The following ACYP2 variants were observed in gnomAD, a reference collection of about 807,000 sequenced individuals.
ACYP2 encodes acylphosphatase 2.
ACYP2 carries 12 observed loss-of-function variants against 11.2 expected under a neutral mutation model. The ratio of observed to expected loss-of-function variants is 1.08; its 90% CI spans 0.69 to 1.74. The LOEUF is 1.74. Ranked by LOEUF, ACYP2 falls within the 40% of genes most tolerant of loss-of-function variation. ACYP2 has a pLI of 0.00. For missense variants in ACYP2, 134 were observed against 101.9 expected, an observed-to-expected ratio of 1.31 and a Z score of -1.35; for synonymous variants, 43 against 32.2, an observed-to-expected ratio of 1.33 and a Z score of -1.13.
At chr2:54,072,472 C>G (rs76583758) in intron 4 of ACYP2, among the ~76,000 whole-genome samples, 3,354 of 109,410 alleles carry the variant, frequency 0.031, 127 homozygotes, top group Admixed American at 0.15. Context: ...CTTTCTTTTT[C>G]TTTCTTTCTT....
At chr2:54,034,908 G>T (rs879363511) in intron 2 of ACYP2, among the ~76,000 whole-genome samples, 2 of 151,064 alleles carry the variant, frequency 1.3e-5, no homozygotes, top group South Asian at 2.1e-4. Context: ...TACTCAGGAG[G>T]CTGAGGCAGG....
In ACYP2 at chr2:54,104,437, G is replaced by A. The variant is rs116416295; in HGVS notation, c.278-31016G>A. On this transcript the variant is annotated intron_variant, in intron 4 of 6. Coordinates refer to ENST00000607452, the MANE Select transcript of ACYP2 (RefSeq NM_001320586.2). ...TAGTAAAATGGATAACCATAAAAGG[G>A]CAAGCTTAGTCATGTAGCTCAAGTC... Among the ~76,000 whole-genome samples the A allele has an allele frequency of 6.5e-3, 982 of 152,174 alleles. 6 individuals are homozygous for A. The highest frequency in any genetic ancestry group is 0.011 in the Non-Finnish European group (772 of 68,010).
intron 6 of ACYP2, among the ~76,000 whole-genome samples, chr2:54,158,684 C>T (rs982724709): frequency 1.5e-4 from 23 of 152,146 alleles, no homozygotes; most frequent in Admixed American, 1.5e-3. Flanking sequence ...ACTTTGGATT[C>T]ACTTTTAATT....
At chr2:53,993,685 A>AGG (rs1223207888) in intron 2 of ACYP2, among the ~76,000 whole-genome samples, 2 of 151,368 alleles carry the variant, frequency 1.3e-5, no homozygotes, top group Non-Finnish European at 2.9e-5. Flanking sequence ...CGACAGAGTG[A>AGG]GGGAAAAAAA....
intron 4 of ACYP2, among the ~76,000 whole-genome samples, chr2:54,088,658 C>A (rs900053687): frequency 2.0e-5 from 3 of 152,192 alleles, no homozygotes; most frequent in Non-Finnish European, 2.9e-5. Context: ...AAATCAACTT[C>A]CGAATTCTGT....
intron 6 of ACYP2, among the ~76,000 whole-genome samples, chr2:54,153,593 C>CT (rs58880193): frequency 0.24 from 33,343 of 137,552 alleles, 3,788 homozygotes; most frequent in East Asian, 0.32. Context: ...GTAGTGTGGA[C>CT]TTTTTTTTTT....
chr2:54,296,929 A>T (rs1265030741), intron 6 of ACYP2, among the ~76,000 whole-genome samples: 1 of 152,136 alleles, frequency 6.6e-6, no homozygotes, highest in East Asian at 1.9e-4. Flanking sequence ...TGCACACAAA[A>T]CTGATTCAGA....
At chr2:54,019,258 A>G (rs1048142253) in intron 2 of ACYP2, among the ~76,000 whole-genome samples, 2 of 151,268 alleles carry the variant, frequency 1.3e-5, no homozygotes, top group Non-Finnish European at 2.9e-5. Flanking sequence ...TTTTGTGGAG[A>G]TGTGTGTCTC....
chr2:54,255,878 G>A (rs1687494726), intron 6 of ACYP2: 4 of 1,613,856 alleles, frequency 2.5e-6, no homozygotes, highest in African/African-American at 2.7e-5. Flanking sequence ...GCGGGTGGTG[G>A]AGTCACTTCC....
chr2:54,285,567 C>A (rs1220280234), intron 6 of ACYP2, among the ~76,000 whole-genome samples: 1 of 152,212 alleles, frequency 6.6e-6, no homozygotes, highest in Non-Finnish European at 1.5e-5. Flanking sequence ...TCAATTTCCA[C>A]CCTGTGGCTA....
intron 6 of ACYP2, among the ~76,000 whole-genome samples, chr2:54,262,274 G>A (rs1687813711): frequency 2.0e-5 from 3 of 152,244 alleles, no homozygotes; most frequent in Non-Finnish European, 2.9e-5. Flanking sequence ...TGCTGTTACA[G>A]TGTTTATGTT....
intron 6 of ACYP2, among the ~76,000 whole-genome samples, chr2:54,224,189 C>G (rs1685909386): frequency 6.6e-6 from 1 of 152,168 alleles, no homozygotes; most frequent in African/African-American, 2.4e-5. Context: ...CAGCAATGCC[C>G]CACCCAGGCC....
chr2:54,020,227 G>A (rs775241801), intron 2 of ACYP2, among the ~76,000 whole-genome samples: 5 of 152,162 alleles, frequency 3.3e-5, no homozygotes, highest in African/African-American at 7.2e-5. Flanking sequence ...GTGAGCCACC[G>A]TGCCTGGCCT....
chr2:54,304,912 A>C lies in ACYP2; in HGVS notation c.*110A>C, dbSNP rs1162385541. On this transcript the variant is annotated 3_prime_UTR_variant, in exon 7 of 7. Transcript: ENST00000607452. ...GGGTGAAAAGGAACTTTCTGTTCTG[A>C]AAGCTAAGCGACTGTACGTGCTACT... The C allele has an allele frequency of 1.9e-6, 1 of 531,614 alleles. No homozygotes were observed. Among genetic ancestry groups the C allele is most frequent in the Non-Finnish European group, 3.1e-6 (1 of 318,780 alleles). The allele number at this position is 531,614 out of a possible 1,614,324, so 32.9% of individuals were successfully genotyped here.
intron 6 of ACYP2, among the ~76,000 whole-genome samples, chr2:54,262,572 T>C (rs1209982698): frequency 2.0e-5 from 3 of 152,188 alleles, no homozygotes; most frequent in Admixed American, 2.0e-4. Context: ...ATCATTACCA[T>C]AAGAGTATTT....
intron 2 of ACYP2, among the ~76,000 whole-genome samples, chr2:54,034,507 G>T (rs989030130): frequency 2.0e-5 from 3 of 152,192 alleles, no homozygotes; most frequent in Admixed American, 6.5e-5. Context: ...TAACCTAGGA[G>T]TGATAGTCTA....
In ACYP2 at chr2:54,026,968, G is replaced by C. The variant is rs543762496; in HGVS notation, c.63-23990G>C. The stretch of plus-strand genomic sequence containing the variant: ...CACTGGGTACAGTGTACACTGCTTA[G>C]GTGATGTGTGCGCCAAAACCTCAGA... On this transcript the variant is annotated intron_variant, in intron 2 of 6. Coordinates refer to ENST00000607452, the MANE Select transcript of ACYP2 (RefSeq NM_001320586.2). 6.0e-4 allele frequency among the ~76,000 whole-genome samples: 91 copies of C among 152,298 alleles called. No homozygotes were observed. The South Asian group carries it at 0.011, about 18-fold the overall frequency.
chr2:53,987,096 T>A (rs1259825941), intron 2 of ACYP2, among the ~76,000 whole-genome samples: 19 of 152,166 alleles, frequency 1.2e-4, no homozygotes. Flanking sequence ...AAGAGCATGT[T>A]CTGTATGATT....
At chr2:54,220,349 TTTTA>T (rs1685751885) in intron 6 of ACYP2, among the ~76,000 whole-genome samples, 2 of 152,158 alleles carry the variant, frequency 1.3e-5, no homozygotes, top group East Asian at 1.9e-4. Context: ...ACTAAATGTG[TTTTA>T]TTGTCTGTTA....
Sources: gnomAD v4.1 joint callset for allele counts (sites outside exome capture counted in the v4.1 genomes callset) on GRCh38, gnomAD v4.1.1 for gene constraint, MANE v1.5 for transcripts, NCBI Gene and HGNC (gene_info 2026-07-23, HGNC 2026-07-21) for gene names.